FBXO15: variants seen among roughly 807,000 people sequenced by gnomAD.
The protein encoded by FBXO15 is F-box only protein 15.
FBXO15 carries 30 observed loss-of-function variants against 49.5 expected under a neutral mutation model. The observed-to-expected ratio is 0.61, with a 90% CI of 0.45 to 0.82. The LOEUF is 0.82. Among genes scored for constraint, FBXO15 ranks in the 40% least tolerant of loss-of-function variants. FBXO15 has a pLI of 0.00. For synonymous variants in FBXO15, 250 were observed against 232.7 expected (o/e 1.07, Z -0.68); for missense variants, 591 against 631.5 (o/e 0.94, Z 0.69).
chr18:74,140,381 C>CA (rs1978994931), intron 1 of FBXO15, 69 bp from the exon 2 acceptor site: 1 of 1,347,396 alleles, frequency 7.4e-7, no homozygotes, highest in African/African-American at 1.5e-5. Flanking sequence ...TTCCCTTCTA[C>CA]AAAATTCCAA....
intron 5 of FBXO15, among the ~76,000 whole-genome samples, chr18:74,126,609 A>C (rs1456263530): frequency 6.6e-6 from 1 of 152,230 alleles, no homozygotes; most frequent in Non-Finnish European, 1.5e-5. Flanking sequence ...TTGACACATC[A>C]GAAATAAACT....
intron 8 of FBXO15, among the ~76,000 whole-genome samples, chr18:74,084,155 T>G (rs147177263): frequency 2.2e-4 from 34 of 152,356 alleles, no homozygotes; most frequent in African/African-American, 7.2e-4. Context: ...CAGATTCTCA[T>G]GTTTGTTTTC....
At chr18:74,123,728 T>A (rs1396724038) in intron 7 of FBXO15, among the ~76,000 whole-genome samples, 3 of 152,142 alleles carry the variant, frequency 2.0e-5, no homozygotes, top group African/African-American at 7.2e-5. Context: ...TGATGTGAGT[T>A]CTGTAGGCAG....
At chr18:74,125,839 G>T in intron 6 of FBXO15, 136 bp downstream of exon 6, 2 of 1,226,942 alleles carry the variant, frequency 1.6e-6, no homozygotes, top group Non-Finnish European at 2.2e-6. Context: ...AAAAAATGAA[G>T]TTGGTGAGAT....
chr18:74,114,262 C>T (rs1914140501), intron 8 of FBXO15, among the ~76,000 whole-genome samples: 1 of 152,198 alleles, frequency 6.6e-6, no homozygotes, highest in Non-Finnish European at 1.5e-5. Flanking sequence ...CAACATTTCA[C>T]ATGTCTGGTC....
chr18:74,131,860 G>A (rs1476655907), intron 3 of FBXO15, among the ~76,000 whole-genome samples: 1 of 152,206 alleles, frequency 6.6e-6, no homozygotes, highest in African/African-American at 2.4e-5. Flanking sequence ...GTCCTGAACT[G>A]CAGCAGGACC....
intron 8 of FBXO15, among the ~76,000 whole-genome samples, chr18:74,121,637 A>T (rs58010055): frequency 0.068 from 10,396 of 152,294 alleles, 556 homozygotes; most frequent in African/African-American, 0.15. Flanking sequence ...GACAAAGAGG[A>T]TATCTACAGG....
At chr18:74,103,540 T>C (rs1225388463) in intron 8 of FBXO15, among the ~76,000 whole-genome samples, 8 of 152,056 alleles carry the variant, frequency 5.3e-5, no homozygotes, top group Middle Eastern at 3.4e-3. Flanking sequence ...CCAAACAGAT[T>C]TGACTCAAAT....
At chr18:74,122,797 A>G (rs1044667539) in intron 8 of FBXO15, 2 of 152,266 alleles carry the variant, frequency 1.3e-5, no homozygotes, top group Admixed American at 1.3e-4. Flanking sequence ...ATGAAACTCC[A>G]AGTTTACAGG....
At chr18:74,097,301 C>A (rs1406680487) in intron 8 of FBXO15, 3 of 150,962 alleles carry the variant, frequency 2.0e-5, no homozygotes, top group African/African-American at 7.3e-5. Context: ...GAAAGCCCTC[C>A]TTGCTTTCAC....
intron 3 of FBXO15, among the ~76,000 whole-genome samples, chr18:74,135,070 A>G (rs1978633256): frequency 6.6e-6 from 1 of 152,142 alleles, no homozygotes; most frequent in African/African-American, 2.4e-5. Flanking sequence ...GGATTCCACC[A>G]TCTCTCCCTC....
chr18:74,078,917 C>T (rs1007621719), intron 9 of FBXO15, among the ~76,000 whole-genome samples: 2 of 152,226 alleles, frequency 1.3e-5, no homozygotes, highest in African/African-American at 4.8e-5. Flanking sequence ...CAGCCTTAAT[C>T]ACCCATGCAG....
rs758709331 is a variant in FBXO15 at position 74,129,514 on chromosome 18, C to T, written c.676G>A (p.Val226Ile). Residue 226 changes from valine to isoleucine, a missense_variant, in exon 5 of 10, where the codon GTT becomes ATT. Physicochemically the swap from Val to Ile is conservative, Grantham distance 29 (BLOSUM62 3). Coordinates refer to ENST00000419743, the MANE Select transcript of FBXO15 (RefSeq NM_001142958.2). ...GGCCATTTTTTGCCATACCATATAA[C>T]AGTAACTGATGTGTCATTTATGGAA... ...DLSINDTSVT[V>I]IWYGKKWPCL... The T allele has an allele frequency of 6.2e-7, 1 of 1,613,708 alleles. No homozygotes were observed. Among genetic ancestry groups the T allele is most frequent in the Admixed American group, 1.7e-5 (1 of 59,994 alleles).
At chr18:74,126,563 C>T (rs1227882923) in intron 5 of FBXO15, among the ~76,000 whole-genome samples, 1 of 152,208 alleles carries the variant, frequency 6.6e-6, no homozygotes, top group Admixed American at 6.5e-5. Flanking sequence ...GGGCCTTTCA[C>T]AGTTATCATC....
chr18:74,133,597 T>C (rs939422312), intron 3 of FBXO15, among the ~76,000 whole-genome samples: 2 of 152,188 alleles, frequency 1.3e-5, no homozygotes, highest in African/African-American at 4.8e-5. Context: ...CTCTTTGTGT[T>C]GCTACAAAGG....
chr18:74,147,614 G>A (rs989892436), intron 1 of FBXO15, 56 bp downstream of exon 1: 5 of 1,370,986 alleles, frequency 3.6e-6, no homozygotes, highest in East Asian at 5.9e-5. Context: ...AGAGAGCGGG[G>A]CCGCGCAGTG....
In FBXO15 at chr18:74,143,999, C is replaced by A. The variant is rs114998274; in HGVS notation, c.116+3671G>T. Among the ~76,000 whole-genome samples, 8 of 152,210 alleles carry A rather than the reference C, an allele frequency of 5.3e-5. 1 individual carries two copies. The highest frequency in any genetic ancestry group is 2.0e-4 in the Admixed American group (3 of 15,280). On this transcript the variant is annotated intron_variant, in intron 1 of 9. Coordinates refer to ENST00000419743, the MANE Select transcript of FBXO15 (RefSeq NM_001142958.2). ...CTGCATGGGTTTGTTCACTGCTGAT[C>A]GTTCAGCACCCACAATATGCCTGGC...
chr18:74,105,607 TG>T (rs929512530), intron 8 of FBXO15, among the ~76,000 whole-genome samples: 1 of 126,054 alleles, frequency 7.9e-6, no homozygotes, highest in African/African-American at 2.8e-5. Flanking sequence ...ACCCAGCTTA[TG>T]GTTTTTTTTT....
chr18:74,141,504 G>A (rs1371690324), intron 1 of FBXO15, among the ~76,000 whole-genome samples: 1 of 152,142 alleles, frequency 6.6e-6, no homozygotes, highest in Admixed American at 6.5e-5. Context: ...TGCACTGACA[G>A]TTTAACCACC....
Sources: gnomAD v4.1 joint callset for allele counts (sites outside exome capture counted in the v4.1 genomes callset) on GRCh38, gnomAD v4.1.1 for gene constraint, MANE v1.5 for transcripts, NCBI Gene and HGNC (gene_info 2026-07-23, HGNC 2026-07-21) for gene names.